EYS: variants seen among roughly 807,000 people sequenced by gnomAD.
EYS encodes the protein protein eyes shut homolog.
Under a neutral mutation model 282.1 loss-of-function variants are expected in EYS, and 250 were observed. The ratio of observed to expected loss-of-function variants is 0.89; its 90% CI spans 0.80 to 0.98. The LOEUF (loss-of-function observed/expected upper bound fraction) is 0.98, where lower values mean the gene tolerates loss of function less well. EYS is among the 50% of genes least tolerant of loss of function. The pLI, the probability that EYS is intolerant of heterozygous loss-of-function variation, is 0.00. For synonymous variants in EYS, 1,355 were observed against 1,282.9 expected (o/e 1.06, Z -1.20); for missense variants, 4,016 against 3,709.0 (o/e 1.08, Z -2.15).
At chr6:65,231,021 C>G (rs554811046) in intron 12 of EYS, among the ~76,000 whole-genome samples, 5 of 147,800 alleles carry the variant, frequency 3.4e-5, no homozygotes, top group African/African-American at 1.2e-4. Context: ...ACCTATGTAA[C>G]AAACCTGCAC....
intron 1 of EYS, among the ~76,000 whole-genome samples, chr6:65,679,285 T>TG (rs1768735632): frequency 6.6e-6 from 1 of 151,848 alleles, no homozygotes; most frequent in Non-Finnish European, 1.5e-5. Flanking sequence ...TTTAAAAAGT[T>TG]GCATATATGT....
At chr6:63,899,573 T>G (rs1773612226) in intron 35 of EYS, among the ~76,000 whole-genome samples, 1 of 152,228 alleles carries the variant, frequency 6.6e-6, no homozygotes, top group Non-Finnish European at 1.5e-5. Flanking sequence ...CAATTTTGCC[T>G]GTACCCAGAA....
intron 12 of EYS, among the ~76,000 whole-genome samples, chr6:65,282,648 G>A (rs1272722441): frequency 1.3e-5 from 2 of 151,794 alleles, no homozygotes; most frequent in Non-Finnish European, 2.9e-5. Flanking sequence ...TTCTGGGGCC[G>A]AATGAGATAA....
At chr6:64,870,385 A>G (rs1240119147) in intron 19 of EYS, among the ~76,000 whole-genome samples, 1 of 151,038 alleles carries the variant, frequency 6.6e-6, no homozygotes, top group Non-Finnish European at 1.5e-5. Context: ...CAATTAAAAA[A>G]CTAAAAATAA....
intron 7 of EYS, among the ~76,000 whole-genome samples, chr6:65,388,516 T>C (rs1168770976): frequency 6.6e-6 from 1 of 151,926 alleles, no homozygotes; most frequent in East Asian, 1.9e-4. Context: ...AGTGTACAAA[T>C]TGCTACTGTG....
chr6:64,311,297 G>A (rs1433698481), intron 29 of EYS, among the ~76,000 whole-genome samples: 1 of 151,958 alleles, frequency 6.6e-6, no homozygotes, highest in Admixed American at 6.6e-5. Context: ...CAATTCATAT[G>A]ACAATTTGTA....
chr6:65,602,539 G>A (rs2149790717), intron 2 of EYS, among the ~76,000 whole-genome samples: 1 of 151,988 alleles, frequency 6.6e-6, no homozygotes, highest in Non-Finnish European at 1.5e-5. Context: ...ATTGAGCTTT[G>A]AAATATGCCA....
chr6:64,258,172 G>A (rs1767466124), intron 30 of EYS, among the ~76,000 whole-genome samples: 1 of 151,976 alleles, frequency 6.6e-6, no homozygotes, highest in African/African-American at 2.4e-5. Flanking sequence ...ATATGTGAAA[G>A]TAAGCAAAAA....
intron 33 of EYS, among the ~76,000 whole-genome samples, chr6:64,026,694 T>C (rs1312606961): frequency 8.5e-5 from 13 of 152,120 alleles, no homozygotes. Flanking sequence ...CCATATCCTA[T>C]CCTCCTATAG....
At chr6:65,595,357 A>G (rs1178534697) in intron 2 of EYS, among the ~76,000 whole-genome samples, 1 of 152,032 alleles carries the variant, frequency 6.6e-6, no homozygotes, top group Non-Finnish European at 1.5e-5. Flanking sequence ...ATTAGGAGAT[A>G]TACCTAATGT....
intron 33 of EYS, among the ~76,000 whole-genome samples, chr6:64,051,980 T>C (rs536018100): frequency 6.6e-6 from 1 of 152,254 alleles, no homozygotes; most frequent in Non-Finnish European, 1.5e-5. Flanking sequence ...TGTCCTTGAG[T>C]CATGTGGCTC....
At chr6:63,752,330 C>CTATA (rs1769357436) in intron 41 of EYS, among the ~76,000 whole-genome samples, 1 of 151,852 alleles carries the variant, frequency 6.6e-6, no homozygotes, top group Non-Finnish European at 1.5e-5. Flanking sequence ...TAGCAAGCTA[C>CTATA]TATATTAACT....
At chr6:64,394,653 C>T (rs550767301) in intron 28 of EYS, among the ~76,000 whole-genome samples, 3 of 151,652 alleles carry the variant, frequency 2.0e-5, no homozygotes, top group African/African-American at 4.9e-5. Flanking sequence ...AAGACTTAAA[C>T]ATTAGACCTA....
intron 28 of EYS, among the ~76,000 whole-genome samples, chr6:64,420,328 C>T (rs1774191165): frequency 6.6e-6 from 1 of 152,132 alleles, no homozygotes; most frequent in Non-Finnish European, 1.5e-5. Context: ...ATATTTTCCT[C>T]TTAGGTCTCT....
rs1215109414 is a variant in EYS at position 64,306,976 on chromosome 6, T to G, written c.6185A>C (p.Asn2062Thr). ...ATCACTACTGCTATTTTACCTGCAA[T>G]TGTTAATGTGATAGTTTTTCACTGC... ...SKAVKNYHIN[N>T]CRSQGFMLSP... Residue 2062 changes from asparagine to threonine, a missense_variant, in exon 30 of 43, where the codon AAT (asparagine) becomes ACT (threonine). Transcript: ENST00000503581. 4.1e-6 allele frequency: 6 copies of G among 1,460,406 alleles called. No individual in the cohort carries two copies. The highest frequency in any genetic ancestry group is 2.0e-5 in the Admixed American group (1 of 50,370). The allele number at this position is 1,460,406 out of a possible 1,614,324, so 90.5% of individuals were successfully genotyped here.
intron 31 of EYS, among the ~76,000 whole-genome samples, chr6:64,206,828 T>C (rs1342047083): frequency 6.6e-6 from 1 of 152,148 alleles, no homozygotes. Context: ...AAAAACATGT[T>C]AATTTTTTTT....
intron 21 of EYS, among the ~76,000 whole-genome samples, chr6:64,818,028 G>T (rs115590825): frequency 6.6e-6 from 1 of 151,992 alleles, no homozygotes; most frequent in Non-Finnish European, 1.5e-5. Flanking sequence ...AGAAAGTCAC[G>T]ATTTTTAAAT....
chr6:64,383,123 A>C (rs2150421078), intron 29 of EYS, among the ~76,000 whole-genome samples: 1 of 152,286 alleles, frequency 6.6e-6, no homozygotes, highest in Middle Eastern at 3.4e-3. Context: ...CCCCATATCT[A>C]CAAAAAATAA....
chr6:64,559,699 G>T (rs551058704), intron 26 of EYS, among the ~76,000 whole-genome samples: 1 of 152,014 alleles, frequency 6.6e-6, no homozygotes, highest in South Asian at 2.1e-4. Flanking sequence ...ATTACATAAA[G>T]ATTAAACAAC....
Sources: gnomAD v4.1 joint callset for allele counts (sites outside exome capture counted in the v4.1 genomes callset) on GRCh38, gnomAD v4.1.1 for gene constraint, MANE v1.5 for transcripts, NCBI Gene and HGNC (gene_info 2026-07-23, HGNC 2026-07-21) for gene names.